SIDT1: variants seen among roughly 807,000 people sequenced by gnomAD.
The protein encoded by SIDT1 is SID1 transmembrane family member 1, also known as SID1 transmembrane family, member 1.
A neutral mutation model predicts 107.5 loss-of-function variants in SIDT1; 101 were observed. The ratio of observed to expected loss-of-function variants is 0.94; its 90% confidence interval spans 0.80 to 1.11. SIDT1 has a LOEUF of 1.11. Among genes scored for constraint, SIDT1 ranks in the 50% least tolerant of loss-of-function variants. The pLI is 0.00. For synonymous variants in SIDT1, 395 were observed against 398.2 expected, an observed-to-expected ratio of 0.99 and a Z score of 0.10; for missense variants, 1,076 against 1,058.2, an observed-to-expected ratio of 1.02 and a Z score of -0.23.
chr3:113,559,115 A>G (rs1386197777), intron 1 of SIDT1, among the ~76,000 whole-genome samples: 3 of 152,174 alleles, frequency 2.0e-5, no homozygotes, highest in African/African-American at 7.2e-5. Flanking sequence ...GGTTGTTTCC[A>G]AATTTTATTG....
At chr3:113,618,937 G>C (rs538944570) in intron 20 of SIDT1, among the ~76,000 whole-genome samples, 8 of 152,254 alleles carry the variant, frequency 5.3e-5, no homozygotes, top group Middle Eastern at 6.8e-3. Flanking sequence ...ATCTTCTCGG[G>C]CCTCAGCCTC....
At chr3:113,537,944 G>A (rs1299112108) in intron 1 of SIDT1, among the ~76,000 whole-genome samples, 1 of 152,046 alleles carries the variant, frequency 6.6e-6, no homozygotes, top group African/African-American at 2.4e-5. Flanking sequence ...TATCAAGCCT[G>A]GTTCATTTTT....
At chr3:113,609,058 CTTTTTTTTTT>C (rs11453487) in intron 17 of SIDT1, among the ~76,000 whole-genome samples, 5 of 86,680 alleles carry the variant, frequency 5.8e-5, no homozygotes, top group South Asian at 4.8e-4. Context: ...TGAGCCCATT[CTTTTTTTTTT>C]TTTTTTTTTT....
At chr3:113,551,550 A>G (rs1264689003) in intron 1 of SIDT1, among the ~76,000 whole-genome samples, 1 of 152,224 alleles carries the variant, frequency 6.6e-6, no homozygotes, top group Non-Finnish European at 1.5e-5. Context: ...ATTTTTAAAT[A>G]TCATATTTTC....
chr3:113,594,145 C>G lies in SIDT1; in HGVS notation c.1045+1097C>G, dbSNP rs974666280. ...AAAGACTTTAACTCACCCCCTACCC[C>G]CCTCCAGCAGGATCATTGCTCCCTT... On this transcript the variant is annotated intron_variant, in intron 10 of 24. Coordinates refer to ENST00000264852, the MANE Select transcript of SIDT1 (RefSeq NM_017699.3). Among the ~76,000 whole-genome samples, 8 of 152,156 alleles carry G rather than the reference C, an allele frequency of 5.3e-5. No homozygotes were observed. In the East Asian group the frequency reaches 5.8e-4, roughly 11 times the overall value.
At chr3:113,592,583 GTTTTTC>G (rs796792706) in intron 9 of SIDT1, 2 of 151,902 alleles carry the variant, frequency 1.3e-5, no homozygotes, top group South Asian at 1.9e-4. Context: ...TGTTTGTTTT[GTTTTTC>G]TTTTTCTTTT....
rs544643119 is a variant in SIDT1, at chr3:113,586,381, G to A, written c.1001+1111G>A. 5.3e-5 allele frequency among the ~76,000 whole-genome samples: 8 copies of A among 152,280 alleles called. No individual in the cohort carries two copies. In the East Asian group the frequency reaches 1.3e-3, roughly 26 times the overall value. ...AATTTATGAAAACAGCTACCCATTC[G>A]GGAAAGGAGCCATTAGCAGATACTG... is the stretch of plus-strand genomic sequence containing the variant. On this transcript the variant is annotated intron_variant, in intron 9 of 24. Transcript: ENST00000264852.
the SIDT1 span, among the ~76,000 whole-genome samples, chr3:113,636,998 AAAGAAGTT>A: frequency 6.6e-6 from 1 of 152,234 alleles, no homozygotes; most frequent in African/African-American, 2.4e-5. Context: ...AAAAAGACAC[AAAGAAGTT>A]ATGCCACTTT....
chr3:113,561,929 A>G (rs977894052), intron 1 of SIDT1, among the ~76,000 whole-genome samples: 28 of 152,220 alleles, frequency 1.8e-4, no homozygotes, highest in Non-Finnish European at 1.5e-5. Flanking sequence ...CTTAGGTTTT[A>G]TCTCAGTTCT....
intron 11 of SIDT1, 130 bp from the exon 12 acceptor site, chr3:113,602,875 T>C: frequency 1.1e-6 from 1 of 887,458 alleles, no homozygotes; most frequent in Non-Finnish European, 1.7e-6. Flanking sequence ...ACAGGTCTTG[T>C]GAATGAGAAG....
intron 1 of SIDT1, among the ~76,000 whole-genome samples, chr3:113,543,843 C>T (rs914531290): frequency 1.1e-4 from 16 of 152,164 alleles, no homozygotes; most frequent in African/African-American, 3.9e-4. Context: ...TATTCATTCT[C>T]CCTATAAGCA....
chr3:113,609,296 C>T (rs1455852144), intron 17 of SIDT1, among the ~76,000 whole-genome samples: 3 of 151,992 alleles, frequency 2.0e-5, no homozygotes, highest in South Asian at 4.2e-4. Flanking sequence ...AAACTCCTAA[C>T]CTCAGGCGAT....
In SIDT1 at chr3:113,592,868, G is replaced by T. The variant is rs566823731; in HGVS notation, c.1002-137G>T. 14 of 733,754 alleles carry T rather than the reference G, an allele frequency of 1.9e-5. 1 individual carries two copies. In the South Asian group the frequency reaches 1.9e-4, roughly 10 times the overall value. 45.5% of individuals were successfully genotyped at this position (733,754 alleles called of 1,614,324 possible). On this transcript the variant is annotated intron_variant, in intron 9 of 24. Coordinates refer to ENST00000264852, the MANE Select transcript of SIDT1 (RefSeq NM_017699.3). ...CCCAAAGTGCTGGGATTACAGGTGT[G>T]TGCCACCGCACCTGGCCCCAAAGAC...
intron 19 of SIDT1, chr3:113,614,978 A>C: frequency 1.4e-6 from 2 of 1,403,600 alleles, no homozygotes; most frequent in Non-Finnish European, 1.9e-6. Flanking sequence ...GAAAAAATAA[A>C]ATGACCAGTA....
intron 9 of SIDT1, among the ~76,000 whole-genome samples, chr3:113,590,489 C>T (rs1253495610): frequency 6.6e-6 from 1 of 152,150 alleles, no homozygotes; most frequent in East Asian, 1.9e-4. Flanking sequence ...AATTCATAGA[C>T]CATAAAATTC....
rs774098221 is a variant in SIDT1 at position 113,608,043 on chromosome 3, G to C, written c.1479-51G>C. 1.7e-5 allele frequency: 26 copies of C among 1,486,018 alleles called. No individual in the cohort carries two copies. The East Asian group carries it at 6.0e-4, about 34-fold the overall frequency. The allele number at this position is 1,486,018 out of a possible 1,614,324, so 92.1% of individuals were successfully genotyped here. A position where few individuals can be genotyped will look rare whatever the true frequency, so the allele number is the denominator to read the frequency against. ...TCCTTCATGCATCATGTATTCTCTGGGTCCCTTTGATGGTCTTGACTCTCT... is the reference window on the plus strand; with the variant it reads ...TCCTTCATGCATCATGTATTCTCTGCGTCCCTTTGATGGTCTTGACTCTCT... On this transcript the variant is annotated intron_variant, in intron 15 of 24. Coordinates refer to ENST00000264852, the MANE Select transcript of SIDT1 (RefSeq NM_017699.3).
At chr3:113,635,264 G>C in the SIDT1 span, among the ~76,000 whole-genome samples, 1 of 152,188 alleles carries the variant, frequency 6.6e-6, no homozygotes, top group Non-Finnish European at 1.5e-5. Flanking sequence ...CGGAGGCCAA[G>C]GCAGGAGGAC....
rs116211085 is a variant in SIDT1 at position 113,622,999 on chromosome 3, G to A, written c.2091-428G>A. Among the ~76,000 whole-genome samples, 671 of 151,962 alleles carry A rather than the reference G, an allele frequency of 4.4e-3. 4 individuals carry two copies. The highest frequency in any genetic ancestry group is 8.2e-3 in the Non-Finnish European group (555 of 67,966). On this transcript the variant is annotated intron_variant, in intron 21 of 24. Coordinates refer to ENST00000264852, the MANE Select transcript of SIDT1 (RefSeq NM_017699.3). ...GGCCATGAATCCAACATCAGGCTGG[G>A]CAACATAGCAAGACCCTGCCTCTAC...
intron 24 of SIDT1, 110 bp downstream of exon 24, chr3:113,626,325 C>T: frequency 1.5e-6 from 1 of 678,380 alleles, no homozygotes; most frequent in Non-Finnish European, 2.5e-6. Context: ...ATTTTACTTT[C>T]CATTTCCTCC....
Sources: gnomAD v4.1 joint callset for allele counts (sites outside exome capture counted in the v4.1 genomes callset) on GRCh38, gnomAD v4.1.1 for gene constraint, MANE v1.5 for transcripts, NCBI Gene and HGNC (gene_info 2026-07-23, HGNC 2026-07-21) for gene names.